The following ADGRD1 variants were observed in gnomAD, a reference collection of about 807,000 sequenced individuals.
ADGRD1 encodes G-protein coupled receptor 133.
ADGRD1 carries 77 observed loss-of-function variants against 113.4 expected under a neutral mutation model. The observed-to-expected ratio is 0.68, with a 90% CI of 0.57 to 0.82. The LOEUF (loss-of-function observed/expected upper bound fraction) is 0.82, where lower values mean the gene tolerates loss of function less well. Ranked by LOEUF, ADGRD1 falls within the 40% of genes least tolerant of loss-of-function variation. The pLI, the probability that ADGRD1 is intolerant of heterozygous loss-of-function variation, is 0.00. For missense variants in ADGRD1, 1,036 were observed against 1,139.1 expected (o/e 0.91, Z 1.30); for synonymous variants, 474 against 475.0 (o/e 1.00, Z 0.03).
chr12:131,086,788 T>C (rs1012325444), intron 15 of ADGRD1, among the ~76,000 whole-genome samples: 3 of 152,244 alleles, frequency 2.0e-5, no homozygotes, highest in Non-Finnish European at 1.5e-5. Context: ...GAAACAGCTA[T>C]TCCTGTTTCC....
intron 13 of ADGRD1, among the ~76,000 whole-genome samples, chr12:131,025,164 T>TA (rs952050733): frequency 1.4e-4 from 21 of 152,202 alleles, no homozygotes; most frequent in African/African-American, 4.8e-4. Flanking sequence ...CAGTTATTTT[T>TA]AAAAAAAGAA....
chr12:131,130,321 C>T (rs574967916), intron 20 of ADGRD1, among the ~76,000 whole-genome samples: 3 of 152,310 alleles, frequency 2.0e-5, no homozygotes, highest in East Asian at 3.9e-4. Context: ...GTGAGCTGAG[C>T]TTCCAGGTGT....
intron 4 of ADGRD1, among the ~76,000 whole-genome samples, chr12:130,976,092 T>A (rs188855055): frequency 1.3e-5 from 2 of 152,268 alleles, no homozygotes; most frequent in South Asian, 2.1e-4. Flanking sequence ...TTGAGTTGAC[T>A]TTTTCCCCCT....
chr12:131,101,970 T>C (rs1282315107), intron 15 of ADGRD1, among the ~76,000 whole-genome samples: 1 of 152,186 alleles, frequency 6.6e-6, no homozygotes, highest in Non-Finnish European at 1.5e-5. Flanking sequence ...TGTCATTGGG[T>C]CTCTTCCCTT....
chr12:131,006,549 C>T (rs1877146034), intron 12 of ADGRD1, among the ~76,000 whole-genome samples: 2 of 152,212 alleles, frequency 1.3e-5, no homozygotes, highest in South Asian at 4.1e-4. Context: ...TCTGTCTGCC[C>T]CCTGCCTCTG....
At position 131,057,374 on chromosome 12, in the gene ADGRD1, G is replaced by A. The variant is rs905705548; in HGVS notation, c.1474-19427G>A. 5.9e-5 allele frequency among the ~76,000 whole-genome samples: 9 copies of A among 152,312 alleles called. No homozygotes were observed. Among genetic ancestry groups the A allele is most frequent in the East Asian group, 3.9e-4 (2 of 5,172 alleles). On this transcript the variant is annotated intron_variant, in intron 13 of 24. Transcript: ENST00000261654. The surrounding 1 kb of genome is among the most constrained non-coding windows in gnomAD (Gnocchi z 4.2). The stretch of plus-strand genomic sequence containing the variant: ...AAAGGGGCCAGATGGCAGCGGAGCC[G>A]AGTCTGCGCTGCTGTGGCCGTTTCC...
intron 13 of ADGRD1, among the ~76,000 whole-genome samples, chr12:131,040,851 C>A (rs1352655942): frequency 1.3e-5 from 2 of 152,232 alleles, no homozygotes; most frequent in East Asian, 3.8e-4. Flanking sequence ...CTGCAGGTGA[C>A]CCAAACACTG....
intron 5 of ADGRD1, among the ~76,000 whole-genome samples, chr12:130,986,127 A>G (rs184285758): frequency 1.3e-5 from 2 of 152,182 alleles, no homozygotes; most frequent in Non-Finnish European, 2.9e-5. Context: ...TTCTCCTTCA[A>G]TATTGTATTG....
Position 131,136,134 on chromosome 12 carries a change from TACATGTTTG to T in ADGRD1, c.2366_2374del (p.Tyr789_Ala792delinsSer), listed in dbSNP as rs1406119821. 1 of 1,613,998 alleles carries T rather than the reference TACATGTTTG, an allele frequency of 6.2e-7. No individual in the cohort carries two copies. Among genetic ancestry groups the T allele is most frequent in the Non-Finnish European group, 8.5e-7 (1 of 1,180,002 alleles). On this transcript the variant is annotated inframe_deletion, in exon 22 of 25. Transcript: ENST00000261654. ...CAACGGTTGTGCTGTGGTTTTCCAG[TACATGTTTG>T]CCACGCTCAACTCCCTGCAGGTGAG... is the stretch of plus-strand genomic sequence containing the variant.
At chr12:131,032,207 A>G (rs987781912) in intron 13 of ADGRD1, among the ~76,000 whole-genome samples, 3 of 152,186 alleles carry the variant, frequency 2.0e-5, no homozygotes, top group African/African-American at 7.2e-5. Flanking sequence ...CTACACAGGC[A>G]TTCAGTAGGC....
intron 13 of ADGRD1, among the ~76,000 whole-genome samples, chr12:131,058,526 C>T (rs1298954528): frequency 6.6e-6 from 1 of 152,144 alleles, no homozygotes; most frequent in Non-Finnish European, 1.5e-5. Context: ...TTTCCATTTC[C>T]AGAAATGTAC....
intron 17 of ADGRD1, among the ~76,000 whole-genome samples, chr12:131,106,782 A>C (rs1950242185): frequency 6.6e-6 from 1 of 152,160 alleles, no homozygotes; most frequent in South Asian, 2.1e-4. Context: ...ACCCCACCTC[A>C]GACTCGGGAG....
At chr12:130,980,513 T>C (rs531891999) in intron 4 of ADGRD1, among the ~76,000 whole-genome samples, 2 of 152,250 alleles carry the variant, frequency 1.3e-5, no homozygotes, top group South Asian at 4.1e-4. Context: ...TTCTCCTGCC[T>C]CAGCCTCCTG....
At chr12:130,996,833 G>A (rs1355989944) in intron 8 of ADGRD1, among the ~76,000 whole-genome samples, 7 of 117,942 alleles carry the variant, frequency 5.9e-5, no homozygotes, top group African/African-American at 2.3e-4. Context: ...CGGGCGGGGG[G>A]CTGACCCCCC....
intron 12 of ADGRD1, among the ~76,000 whole-genome samples, chr12:131,010,390 G>A (rs1877721620): frequency 6.6e-6 from 1 of 152,208 alleles, no homozygotes; most frequent in South Asian, 2.1e-4. Flanking sequence ...TGCGATGTTT[G>A]TTCACTCCCC....
chr12:131,044,897 G>A (rs971482855), intron 13 of ADGRD1, among the ~76,000 whole-genome samples: 3 of 152,244 alleles, frequency 2.0e-5, no homozygotes, highest in Admixed American at 6.5e-5. Flanking sequence ...ATTCCACCGC[G>A]TGGCTGCGCC....
chr12:130,982,295 C>T (rs1460143269), intron 5 of ADGRD1, among the ~76,000 whole-genome samples: 1 of 152,194 alleles, frequency 6.6e-6, no homozygotes, highest in Non-Finnish European at 1.5e-5. Flanking sequence ...TCTGCCCGTG[C>T]ACTGTGTGCC....
At position 130,954,485 on chromosome 12, in the gene ADGRD1, TG is replaced by T; in HGVS notation, c.21del (p.Cys8AlafsTer68). MEKLLR[L>X]CCWYSWLLLF... Reference sequence around the variant, plus strand: ...AGAGCCATGGAAAAGCTGCTGCGGCTGTGCTGCTGGTACTCCTGGCTGCTGC... The same window carrying T: ...AGAGCCATGGAAAAGCTGCTGCGGCTTGCTGCTGGTACTCCTGGCTGCTGC... On this transcript the variant is annotated frameshift_variant, in exon 1 of 25. Transcript: ENST00000261654. LOFTEE classifies it high-confidence loss of function. The surrounding 1 kb of genome is among the most constrained non-coding windows in gnomAD (Gnocchi z 4.7). The T allele has an allele frequency of 6.4e-7, 1 of 1,560,614 alleles. No homozygotes were observed. The highest frequency in any genetic ancestry group is 8.7e-7 in the Non-Finnish European group (1 of 1,152,458).
At chr12:130,987,454 C>G in intron 6 of ADGRD1, 105 bp downstream of exon 6, 1 of 1,316,060 alleles carries the variant, frequency 7.6e-7, no homozygotes, top group Non-Finnish European at 1.1e-6. Flanking sequence ...ATCAGCACTG[C>G]AGGCGTGAGA....
Sources: gnomAD v4.1 joint callset for allele counts (sites outside exome capture counted in the v4.1 genomes callset) on GRCh38, gnomAD v4.1.1 for gene constraint, Gnocchi (gnomAD v3.1) non-coding constraint, MANE v1.5 for transcripts, NCBI Gene and HGNC (gene_info 2026-07-23, HGNC 2026-07-21) for gene names.